Variants in MAPKAP1 observed in about 807,000 individuals in gnomAD.
MAPKAP1 encodes target of rapamycin complex 2 subunit MAPKAP1.
MAPKAP1 carries 20 observed loss-of-function variants against 65.7 expected under a neutral mutation model. That is an observed-to-expected ratio of 0.30 (90% confidence interval 0.21 to 0.44). The LOEUF is 0.44. MAPKAP1 is among the 20% of genes least tolerant of loss of function. The pLI is 1.00. For missense variants in MAPKAP1, 423 were observed against 648.0 expected, an observed-to-expected ratio of 0.65 and a Z score of 3.77; for synonymous variants, 222 against 244.3, an observed-to-expected ratio of 0.91 and a Z score of 0.85.
At chr9:125,656,369 T>C (rs1184910156) in intron 4 of MAPKAP1, among the ~76,000 whole-genome samples, 1 of 152,208 alleles carries the variant, frequency 6.6e-6, no homozygotes, top group African/African-American at 2.4e-5. Context: ...AAGCTTTACA[T>C]CAATACAGTC....
At chr9:125,677,490 G>A (rs1230019079) in intron 1 of MAPKAP1, among the ~76,000 whole-genome samples, 3 of 152,126 alleles carry the variant, frequency 2.0e-5, no homozygotes, top group Non-Finnish European at 4.4e-5. Flanking sequence ...GAGGTCAGGA[G>A]TTCGAGACTA....
At position 125,670,221 on chromosome 9, in the gene MAPKAP1, C is replaced by T. The variant is rs145832011; in HGVS notation, c.260-314G>A. ...ATTTCATTATATAAATCATTAATAA[C>T]GGTCTTAAAGGAATTTTAATGCACA... On this transcript the variant is annotated intron_variant, in intron 2 of 11. Transcript: ENST00000265960. 3.9e-3 allele frequency among the ~76,000 whole-genome samples: 589 copies of T among 152,066 alleles called. 2 individuals carry two copies. Among genetic ancestry groups the T allele is most frequent in the African/African-American group, 0.013 (555 of 41,490 alleles).
At chr9:125,686,615 G>C (rs533614841) in intron 1 of MAPKAP1, among the ~76,000 whole-genome samples, 1 of 152,294 alleles carries the variant, frequency 6.6e-6, no homozygotes, top group South Asian at 2.1e-4. Flanking sequence ...GGTTTTGGGT[G>C]TTTTCGCTTC....
chr9:125,654,101 G>A (rs764192651), intron 4 of MAPKAP1, among the ~76,000 whole-genome samples: 21 of 152,286 alleles, frequency 1.4e-4, no homozygotes, highest in Non-Finnish European at 2.5e-4. Flanking sequence ...AAACAGGGCA[G>A]AAAATCCACA....
chr9:125,450,589 A>G (rs1169324915), intron 10 of MAPKAP1, among the ~76,000 whole-genome samples: 1 of 152,178 alleles, frequency 6.6e-6, no homozygotes, highest in Non-Finnish European at 1.5e-5. Flanking sequence ...TGGGTTACTT[A>G]TAAAATTGCC....
At chr9:125,622,829 C>T (rs1364032739) in intron 4 of MAPKAP1, among the ~76,000 whole-genome samples, 1 of 151,884 alleles carries the variant, frequency 6.6e-6, no homozygotes, top group Non-Finnish European at 1.5e-5. Context: ...CTCCCCTCTC[C>T]GTCTCCCCAG....
At chr9:125,537,545 G>A (rs1830108357) in intron 7 of MAPKAP1, among the ~76,000 whole-genome samples, 1 of 152,148 alleles carries the variant, frequency 6.6e-6, no homozygotes, top group African/African-American at 2.4e-5. Flanking sequence ...GCAGTAGTGT[G>A]ATCATGCCTC....
chr9:125,559,540 T>G (rs1336495435), intron 6 of MAPKAP1, 93 bp downstream of exon 6: 1 of 1,171,824 alleles, frequency 8.5e-7, no homozygotes, highest in Non-Finnish European at 1.2e-6. Context: ...AGATGCCAAA[T>G]ATCATTTATT....
intron 10 of MAPKAP1, among the ~76,000 whole-genome samples, chr9:125,459,697 C>T (rs999590261): frequency 1.9e-4 from 29 of 152,044 alleles, no homozygotes; most frequent in Admixed American, 1.0e-3. Flanking sequence ...CGCCTGCAAT[C>T]GCAGGCACTC....
intron 9 of MAPKAP1, among the ~76,000 whole-genome samples, chr9:125,473,122 T>C (rs1189659248): frequency 6.6e-6 from 1 of 151,600 alleles, no homozygotes; most frequent in African/African-American, 2.4e-5. Context: ...ACAGAACTTC[T>C]AGCAGTTCTA....
chr9:125,496,026 A>T (rs1045425804), intron 8 of MAPKAP1, among the ~76,000 whole-genome samples: 3 of 152,220 alleles, frequency 2.0e-5, no homozygotes, highest in African/African-American at 4.8e-5. Context: ...TACTGTACAC[A>T]ATCTCACTGA....
At chr9:125,684,086 G>T (rs4838284) in intron 1 of MAPKAP1, among the ~76,000 whole-genome samples, 46,954 of 152,052 alleles carry the variant, frequency 0.31, 8,080 homozygotes, top group Non-Finnish European at 0.39. Context: ...CATCATTACA[G>T]TGAGTCATAT....
intron 1 of MAPKAP1, among the ~76,000 whole-genome samples, chr9:125,693,696 CACGTATATAT>C (rs1320995361): frequency 4.1e-5 from 5 of 123,446 alleles, no homozygotes; most frequent in Non-Finnish European, 8.3e-5. Context: ...CGTATATATA[CACGTATATAT>C]ACACATATAT....
At chr9:125,609,874 G>A (rs1243513211) in intron 4 of MAPKAP1, among the ~76,000 whole-genome samples, 1 of 152,154 alleles carries the variant, frequency 6.6e-6, no homozygotes, top group African/African-American at 2.4e-5. Context: ...CCTGGCACTG[G>A]GCTGAGTGTG....
rs1354474209 is a variant in MAPKAP1 at position 125,484,544 on chromosome 9, A to G, written c.1106T>C (p.Ile369Thr). ...CATATCCTGTACTGTGGCTATGTCA[A>G]TTTGCGAATCCTCCTCAAAAACCCC... ...ADGVFEEDSQ[I>T]DIATVQDMLS... Residue 369 changes from isoleucine to threonine, a missense_variant, in exon 9 of 12, where the codon ATT becomes ACT. Coordinates refer to ENST00000265960, the MANE Select transcript of MAPKAP1 (RefSeq NM_001006617.3). The G allele has an allele frequency of 1.1e-5, 18 of 1,611,744 alleles. No individual in the cohort carries two copies. The highest frequency in any genetic ancestry group is 2.2e-5 in the East Asian group (1 of 44,784).
intron 7 of MAPKAP1, among the ~76,000 whole-genome samples, chr9:125,529,936 A>C (rs984243976): frequency 6.6e-6 from 1 of 152,240 alleles, no homozygotes; most frequent in African/African-American, 2.4e-5. Flanking sequence ...AATGCACTTA[A>C]AGCTGTTGCA....
chr9:125,628,032 G>A (rs1833165407), intron 4 of MAPKAP1, among the ~76,000 whole-genome samples: 2 of 152,206 alleles, frequency 1.3e-5, no homozygotes, highest in African/African-American at 2.4e-5. Context: ...CTGTGGAGTT[G>A]CTGGTGTTAG....
chr9:125,667,262 GAACT>G (rs994814809), intron 3 of MAPKAP1, among the ~76,000 whole-genome samples: 1 of 152,162 alleles, frequency 6.6e-6, no homozygotes, highest in Non-Finnish European at 1.5e-5. Context: ...TTAAGCTGAA[GAACT>G]TACTTCTCAC....
At chr9:125,642,575 T>C (rs2131715132) in intron 4 of MAPKAP1, among the ~76,000 whole-genome samples, 1 of 152,308 alleles carries the variant, frequency 6.6e-6, no homozygotes, top group African/African-American at 2.4e-5. Flanking sequence ...ACACCCATAT[T>C]TGGTGTAAAA....
Sources: gnomAD v4.1 joint callset for allele counts (sites outside exome capture counted in the v4.1 genomes callset) on GRCh38, gnomAD v4.1.1 for gene constraint, MANE v1.5 for transcripts, NCBI Gene and HGNC (gene_info 2026-07-23, HGNC 2026-07-21) for gene names.